The following DYNC1H1 variants were observed in gnomAD, a reference collection of about 807,000 sequenced individuals.
DYNC1H1 encodes the protein dynein cytoplasmic 1 heavy chain 1, also known as cytoplasmic dynein 1 heavy chain 1.
A neutral mutation model predicts 527.1 loss-of-function variants in DYNC1H1; 51 were observed. The ratio of observed to expected loss-of-function variants is 0.10; its 90% CI spans 0.08 to 0.12. The LOEUF (loss-of-function observed/expected upper bound fraction) is 0.12, where lower values mean the gene tolerates loss of function less well. DYNC1H1 is among the 10% of genes least tolerant of loss of function. The pLI, the probability that DYNC1H1 is intolerant of heterozygous loss-of-function variation, is 1.00. For missense variants in DYNC1H1, 2,771 were observed against 5,971.8 expected (o/e 0.46, Z 17.66); for synonymous variants, 2,189 against 2,278.8 (o/e 0.96, Z 1.12).
intron 13 of DYNC1H1, 39 bp from the exon 14 acceptor site, chr14:101,994,947 A>T: frequency 2.5e-6 from 4 of 1,613,344 alleles, no homozygotes; most frequent in Non-Finnish European, 3.4e-6. Context: ...CGCCAGCAGG[A>T]AAGAGCTGAT....
chr14:101,983,276 G>A lies in DYNC1H1; in HGVS notation c.1219G>A (p.Glu407Lys). Residue 407 changes from glutamate to lysine, a missense_variant, in exon 6 of 78, where the codon GAA becomes AAA. Glu to Lys is a moderately conservative substitution (Grantham distance 56). Transcript: ENST00000360184. The surrounding 1 kb of genome is among the most constrained non-coding windows in gnomAD (Gnocchi z 5.3). ...GTRKLMHVAY[E>K]EFEKVMVACF... Reference sequence around the variant, plus strand: ...TAGGAAATTGATGCATGTTGCTTATGAAGAATTTGAAAAAGTAAGTTTGAA... The same window carrying A: ...TAGGAAATTGATGCATGTTGCTTATAAAGAATTTGAAAAAGTAAGTTTGAA... 2 of 1,614,182 alleles carry A rather than the reference G, an allele frequency of 1.2e-6. No individual in the cohort carries two copies. Among genetic ancestry groups the A allele is most frequent in the Non-Finnish European group, 1.7e-6 (2 of 1,180,046 alleles).
In DYNC1H1 at chr14:102,011,206, T is replaced by C. The variant is rs1276625127; in HGVS notation, c.6618+254T>C. The stretch of plus-strand genomic sequence containing the variant: ...TGAAAATGCTAAGTGCATGACTATA[T>C]TGGAAAGTTGTTTATACTGATAAAA... On this transcript the variant is annotated intron_variant, in intron 32 of 77. Coordinates refer to ENST00000360184, the MANE Select transcript of DYNC1H1 (RefSeq NM_001376.5). The surrounding 1 kb of genome is among the most constrained non-coding windows in gnomAD (Gnocchi z 5.3). The C allele has an allele frequency of 7.6e-6, 4 of 526,240 alleles. No homozygotes were observed. Among genetic ancestry groups the C allele is most frequent in the Non-Finnish European group, 1.4e-5 (4 of 290,842 alleles). 32.6% of individuals were successfully genotyped at this position (526,240 alleles called of 1,614,324 possible). A position where few individuals can be genotyped will look rare whatever the true frequency, so the allele number is the denominator to read the frequency against.
rs909371037 is a variant in DYNC1H1, at chr14:101,979,093, G to A, written c.345-226G>A. ...CAGGTTAGTTTTAGGCCAATATTAC[G>A]AATTCAACCCATGTATGAGACAAGT... On this transcript the variant is annotated intron_variant, in intron 2 of 77. Coordinates refer to ENST00000360184, the MANE Select transcript of DYNC1H1 (RefSeq NM_001376.5). This position sits in a 1 kb window ranked among gnomAD's most constrained non-coding sequence, Gnocchi z 4.6. 5.9e-5 allele frequency among the ~76,000 whole-genome samples: 9 copies of A among 152,128 alleles called. No homozygotes were observed. Among genetic ancestry groups the A allele is most frequent in the Admixed American group, 2.6e-4 (4 of 15,282 alleles).
At chr14:102,008,413 T>G in intron 29 of DYNC1H1, 76 bp downstream of exon 29, 9 of 1,560,498 alleles carry the variant, frequency 5.8e-6, no homozygotes, top group Non-Finnish European at 7.8e-6. Context: ...TTCTACCTCT[T>G]GGATTAGAAA....
Position 102,005,191 on chromosome 14 carries a change from C to T in DYNC1H1, c.5388C>T (p.Val1796=). The change falls in exon 26 of 78, where the codon GTC becomes GTT. Residue 1796 remains valine (V), a synonymous_variant. Coordinates refer to ENST00000360184, the MANE Select transcript of DYNC1H1 (RefSeq NM_001376.5). The surrounding 1 kb of genome is among the most constrained non-coding windows in gnomAD (Gnocchi z 4.0). The stretch of plus-strand genomic sequence containing the variant: ...CCCTCAATGTGTTAGCAGACTCTGT[C>T]CTCATGGAGCAGCCCCCACTCCGAA... ...EVTLNVLADS[V]LMEQPPLRRR... is the part of the protein sequence containing the mutation. 6.2e-7 allele frequency: 1 copy of T among 1,614,228 alleles called. No individual in the cohort carries two copies. The highest frequency in any genetic ancestry group is 1.3e-5 in the African/African-American group (1 of 75,054).
In DYNC1H1 at chr14:102,010,289, C is replaced by T. The variant is rs749856076; in HGVS notation, c.6235C>T (p.Gln2079Ter). 1 of 1,613,964 alleles carries T rather than the reference C, an allele frequency of 6.2e-7. No individual in the cohort carries two copies. Among genetic ancestry groups the T allele is most frequent in the Non-Finnish European group, 8.5e-7 (1 of 1,180,014 alleles). Reference sequence around the variant, plus strand: ...CTTCTTTTCTAGACTATGCGATGAGCAGCTCTCTTCCCAAAGCCATTATGA... The same window carrying T: ...CTTCTTTTCTAGACTATGCGATGAGTAGCTCTCTTCCCAAAGCCATTATGA... ...IVPFFKLCDE[Q>*]LSSQSHYDFG... The change falls in exon 31 of 78, where the codon CAG becomes TAG. Residue 2079 changes from glutamine (Q) to a stop codon, truncating the protein, a stop_gained. Coordinates refer to ENST00000360184, the MANE Select transcript of DYNC1H1 (RefSeq NM_001376.5). LOFTEE classifies it high-confidence loss of function. The surrounding 1 kb of genome is among the most constrained non-coding windows in gnomAD (Gnocchi z 6.0).
At position 102,001,755 on chromosome 14, in the gene DYNC1H1, C is replaced by T; in HGVS notation, c.4542+74C>T. 1 of 1,595,494 alleles carries T rather than the reference C, an allele frequency of 6.3e-7. No individual in the cohort carries two copies. The highest frequency in any genetic ancestry group is 1.7e-5 in the Admixed American group (1 of 59,492). The stretch of plus-strand genomic sequence containing the variant: ...TTTCACTGTAATGCCTTTTCACTGA[C>T]AGTTACTAGGTACCTGTTTTTTATT... On this transcript the variant is annotated intron_variant, in intron 21 of 77. Coordinates refer to ENST00000360184, the MANE Select transcript of DYNC1H1 (RefSeq NM_001376.5). The surrounding 1 kb of genome is among the most constrained non-coding windows in gnomAD (Gnocchi z 5.0).
Position 102,001,482 on chromosome 14 carries a change from A to G in DYNC1H1, c.4396-53A>G, listed in dbSNP as rs2048130059. ...TCTTATAATGCTGGGTCCCTTGTGCAGGTAGTGAATGCCCACATATTGATA... is the reference window on the plus strand; with the variant it reads ...TCTTATAATGCTGGGTCCCTTGTGCGGGTAGTGAATGCCCACATATTGATA... On this transcript the variant is annotated intron_variant, in intron 20 of 77. Coordinates refer to ENST00000360184, the MANE Select transcript of DYNC1H1 (RefSeq NM_001376.5). The surrounding 1 kb of genome is among the most constrained non-coding windows in gnomAD (Gnocchi z 5.0). 2.0e-5 allele frequency: 33 copies of G among 1,613,842 alleles called. No homozygotes were observed. The highest frequency in any genetic ancestry group is 2.7e-5 in the Non-Finnish European group (32 of 1,179,860).
chr14:102,011,585 G>A lies in DYNC1H1; in HGVS notation c.6619-290G>A. The A allele has an allele frequency of 4.7e-6, 2 of 427,188 alleles. No homozygotes were observed. The highest frequency in any genetic ancestry group is 4.2e-5 in the South Asian group (2 of 47,204). 26.5% of individuals were successfully genotyped at this position (427,188 alleles called of 1,614,324 possible). On this transcript the variant is annotated intron_variant, in intron 32 of 77. Transcript: ENST00000360184. This position sits in a 1 kb window ranked among gnomAD's most constrained non-coding sequence, Gnocchi z 5.3. ...GACCTGTGTAACATCTCTCCAGCTG[G>A]GGAGTTTCAGTACTTGCCTTTAATA...
At chr14:101,978,841 GATGTGTTTAGGGA>G (rs1456890579) in intron 2 of DYNC1H1, among the ~76,000 whole-genome samples, 2 of 152,192 alleles carry the variant, frequency 1.3e-5, no homozygotes, top group African/African-American at 4.8e-5. Flanking sequence ...CAAAGCACGT[GATGTGTTTAGGGA>G]ATGGGACATC....
At chr14:101,998,879 C>CTTTTTTTTTTTTTTTTTTTTTTTT (rs888317854) in intron 16 of DYNC1H1, among the ~76,000 whole-genome samples, 1 of 115,214 alleles carries the variant, frequency 8.7e-6, no homozygotes, top group African/African-American at 3.8e-5. Context: ...AAAACTTTTT[C>CTTTTTTTTTTTTTTTTTTTTTTTT]TTTTTTTTTT....
At chr14:102,023,927 A>C (rs1278933387) in intron 43 of DYNC1H1, 1 of 152,160 alleles carries the variant, frequency 6.6e-6, no homozygotes, top group Non-Finnish European at 1.5e-5. Flanking sequence ...AAACAAGAAA[A>C]ATCTCTTTGT....
chr14:102,001,774 T>C lies in DYNC1H1; in HGVS notation c.4542+93T>C. On this transcript the variant is annotated intron_variant, in intron 21 of 77. Coordinates refer to ENST00000360184, the MANE Select transcript of DYNC1H1 (RefSeq NM_001376.5). This position sits in a 1 kb window ranked among gnomAD's most constrained non-coding sequence, Gnocchi z 5.0. ...CACTGACAGTTACTAGGTACCTGTT[T>C]TTTATTGTATTTTTTGAGACAGGGT... 4 of 1,547,922 alleles carry C rather than the reference T, an allele frequency of 2.6e-6. No homozygotes were observed. The highest frequency in any genetic ancestry group is 1.1e-5 in the South Asian group (1 of 87,778).
In DYNC1H1 at chr14:101,971,149, GTGCAGCGCTGCAGTCTCAGCTCAC is replaced by G. The variant is rs1267317773; in HGVS notation, c.257-4556_257-4533del. Among the ~76,000 whole-genome samples, 3 of 137,992 alleles carry G rather than the reference GTGCAGCGCTGCAGTCTCAGCTCAC, an allele frequency of 2.2e-5. 1 individual carries two copies. The highest frequency in any genetic ancestry group is 8.4e-3 in the Middle Eastern group (2 of 238). 90.5% of individuals were successfully genotyped at this position (137,992 alleles called of 152,430 possible). A position where few individuals can be genotyped will look rare whatever the true frequency, so the allele number is the denominator to read the frequency against. On this transcript the variant is annotated intron_variant, in intron 1 of 77. Transcript: ENST00000360184. ...GTCTTGCTCTGTCGCCCAGGCTGGA[GTGCAGCGCTGCAGTCTCAGCTCAC>G]TGCAGCCTCGGTCTCCTGGGCTCAA...
chr14:102,027,849 C>T lies in DYNC1H1; in HGVS notation c.9263+16C>T, dbSNP rs749398984. ...TTTTCAACAGGTACGTGGGCCTTTACTTGGCTCTGGGTCAGGAAAGTCGGT... is the reference window on the plus strand; with the variant it reads ...TTTTCAACAGGTACGTGGGCCTTTATTTGGCTCTGGGTCAGGAAAGTCGGT... On this transcript the variant is annotated intron_variant, in intron 47 of 77. Transcript: ENST00000360184. This position sits in a 1 kb window ranked among gnomAD's most constrained non-coding sequence, Gnocchi z 7.7. 1.2e-6 allele frequency: 2 copies of T among 1,614,220 alleles called. No homozygotes were observed. Among genetic ancestry groups the T allele is most frequent in the Non-Finnish European group, 1.7e-6 (2 of 1,180,044 alleles).
chr14:102,033,091 A>G lies in DYNC1H1; in HGVS notation c.10106A>G (p.Lys3369Arg). ...ISDAIREKMK[K>R]NYMSNPSYNY... ...GACGCCATAAGGGAGAAGATGAAGA[A>G]AAATTACATGTCCAATCCAAGTTAC... Residue 3369 changes from lysine (K) to arginine (R), a missense_variant, in exon 53 of 78, where the codon AAA becomes AGA. Transcript: ENST00000360184. This position sits in a 1 kb window ranked among gnomAD's most constrained non-coding sequence, Gnocchi z 5.6. The G allele has an allele frequency of 6.2e-7, 1 of 1,614,212 alleles. No homozygotes were observed. Among genetic ancestry groups the G allele is most frequent in the South Asian group, 1.1e-5 (1 of 91,084 alleles).
At position 101,973,199 on chromosome 14, in the gene DYNC1H1, A is replaced by ATTTT. The variant is rs59446522; in HGVS notation, c.257-2500_257-2497dup. On this transcript the variant is annotated intron_variant, in intron 1 of 77. Coordinates refer to ENST00000360184, the MANE Select transcript of DYNC1H1 (RefSeq NM_001376.5). ...TTATTGTCTCTCGATAGATACACTA[A>ATTTT]TTTTTTTTTTTTTTTTGAGATCAAT... 8.7e-3 allele frequency among the ~76,000 whole-genome samples: 1,228 copies of ATTTT among 141,400 alleles called. 20 individuals are homozygous for ATTTT. The highest frequency in any genetic ancestry group is 0.03 in the African/African-American group (1,171 of 38,404). The allele number at this position is 141,400 out of a possible 152,430, so 92.8% of individuals were successfully genotyped here. A position where few individuals can be genotyped will look rare whatever the true frequency, so the allele number is the denominator to read the frequency against.
Position 102,040,274 on chromosome 14 carries a change from G to C in DYNC1H1, c.11729G>C (p.Arg3910Thr), listed in dbSNP as rs762581002. 6.2e-7 allele frequency: 1 copy of C among 1,614,196 alleles called. No individual in the cohort carries two copies. ...GATGCAGAATTCCAGCACTTCTTGA[G>C]AGGAAATGAGATTGTCCTGAGTGCT... ...TYDAEFQHFL[R>T]GNEIVLSAGS... is the part of the protein sequence containing the mutation. Residue 3910 changes from arginine to threonine, a missense_variant, in exon 63 of 78, where the codon AGA (arginine) becomes ACA (threonine). Coordinates refer to ENST00000360184, the MANE Select transcript of DYNC1H1 (RefSeq NM_001376.5).
chr14:102,000,931 G>A (rs1253148446), intron 18 of DYNC1H1, 23 bp from the exon 19 acceptor site: 7 of 1,592,854 alleles, frequency 4.4e-6, no homozygotes, highest in Admixed American at 1.7e-5. Flanking sequence ...AAGCTAAATA[G>A]CATCTTATGT....
Sources: allele counts gnomAD v4.1 joint callset (sites outside exome capture counted in the v4.1 genomes callset), GRCh38; gene constraint gnomAD v4.1.1; non-coding constraint Gnocchi (gnomAD v3.1); transcripts MANE v1.5; gene names NCBI Gene and HGNC (gene_info 2026-07-23, HGNC 2026-07-21).